EEFSEC: variants seen among roughly 807,000 people sequenced by gnomAD.
The protein encoded by EEFSEC is selenocysteine-specific elongation factor.
EEFSEC carries 43 observed loss-of-function variants against 42.1 expected under a neutral mutation model. The ratio of observed to expected loss-of-function variants is 1.02; its 90% CI spans 0.80 to 1.32. The LOEUF (loss-of-function observed/expected upper bound fraction) is 1.32, where lower values mean the gene tolerates loss of function less well. EEFSEC is among the 40% of genes most tolerant of loss of function. The pLI, the probability that EEFSEC is intolerant of heterozygous loss-of-function variation, is 0.00. For synonymous variants in EEFSEC, 354 were observed against 339.1 expected, an observed-to-expected ratio of 1.04 and a Z score of -0.48; for missense variants, 745 against 803.6, an observed-to-expected ratio of 0.93 and a Z score of 0.88.
chr3:128,237,283 G>T (rs542259823), intron 1 of EEFSEC, among the ~76,000 whole-genome samples: 1 of 151,884 alleles, frequency 6.6e-6, no homozygotes, highest in South Asian at 2.1e-4. Flanking sequence ...ATTTTCTTCT[G>T]TGTTTATTCT....
At chr3:128,259,367 A>G (rs2066274792) in intron 2 of EEFSEC, among the ~76,000 whole-genome samples, 1 of 152,250 alleles carries the variant, frequency 6.6e-6, no homozygotes, top group Non-Finnish European at 1.5e-5. Context: ...CTTACTTATT[A>G]AGGCAATGCA....
chr3:128,385,271 G>A (rs1369132031), intron 6 of EEFSEC, among the ~76,000 whole-genome samples: 1 of 152,240 alleles, frequency 6.6e-6, no homozygotes, highest in African/African-American at 2.4e-5. Flanking sequence ...ACAGGGGCCA[G>A]GCAGGCAGCG....
At chr3:128,378,508 A>G (rs7635548) in intron 6 of EEFSEC, among the ~76,000 whole-genome samples, 196 of 152,294 alleles carry the variant, frequency 1.3e-3, no homozygotes, top group African/African-American at 4.5e-3. Context: ...CCAAGGAGGG[A>G]GATAAGCCCA....
intron 1 of EEFSEC, among the ~76,000 whole-genome samples, chr3:128,161,006 A>G (rs971495337): frequency 6.6e-6 from 1 of 152,110 alleles, no homozygotes; most frequent in African/African-American, 2.4e-5. Flanking sequence ...CTAGGAGGTA[A>G]GAGTTGCTAT....
At chr3:128,194,936 C>G (rs1163400392) in intron 1 of EEFSEC, among the ~76,000 whole-genome samples, 2 of 151,956 alleles carry the variant, frequency 1.3e-5, no homozygotes, top group Admixed American at 6.6e-5. Context: ...ATGTTATTTT[C>G]TAAAATTTCT....
chr3:128,339,797 C>T (rs927826780), intron 4 of EEFSEC, among the ~76,000 whole-genome samples: 11 of 152,122 alleles, frequency 7.2e-5, no homozygotes, highest in Admixed American at 6.5e-4. Flanking sequence ...TTAATGGACT[C>T]ACAGTTCTGC....
intron 4 of EEFSEC, among the ~76,000 whole-genome samples, chr3:128,307,969 G>C (rs1176558617): frequency 6.6e-6 from 1 of 152,244 alleles, no homozygotes; most frequent in Non-Finnish European, 1.5e-5. Context: ...TGAGGCCCAG[G>C]CAGTGCCTGG....
intron 1 of EEFSEC, among the ~76,000 whole-genome samples, chr3:128,224,264 A>G (rs187942508): frequency 4.1e-4 from 63 of 152,348 alleles, no homozygotes; most frequent in African/African-American, 1.5e-3. Context: ...CGTTAGTGAA[A>G]TAATTTTCAT....
At chr3:128,293,133 G>C (rs1400187374) in intron 4 of EEFSEC, among the ~76,000 whole-genome samples, 1 of 152,174 alleles carries the variant, frequency 6.6e-6, no homozygotes, top group Non-Finnish European at 1.5e-5. Flanking sequence ...ACTGTGGTCA[G>C]AGAATACACA....
At chr3:128,307,740 G>A (rs941396458) in intron 4 of EEFSEC, among the ~76,000 whole-genome samples, 1 of 152,228 alleles carries the variant, frequency 6.6e-6, no homozygotes, top group Non-Finnish European at 1.5e-5. Context: ...ACATTGGGCA[G>A]GGTATCAGTC....
chr3:128,303,978 A>G (rs2066798351), intron 4 of EEFSEC, among the ~76,000 whole-genome samples: 1 of 151,878 alleles, frequency 6.6e-6, no homozygotes, highest in African/African-American at 2.4e-5. Context: ...ATTTAAGTCC[A>G]TCTCTGAGCT....
chr3:128,185,668 C>A (rs1461661033), intron 1 of EEFSEC, among the ~76,000 whole-genome samples: 3 of 152,154 alleles, frequency 2.0e-5, no homozygotes, highest in Non-Finnish European at 4.4e-5. Context: ...CTCAAGCAAT[C>A]CTCCTGCTTC....
chr3:128,177,119 C>T (rs538213375), intron 1 of EEFSEC, among the ~76,000 whole-genome samples: 8 of 151,956 alleles, frequency 5.3e-5, no homozygotes, highest in Non-Finnish European at 1.0e-4. Flanking sequence ...GCCTCAGCCT[C>T]CTAGGTAGCT....
Position 128,219,802 on chromosome 3 carries a change from C to G in EEFSEC, c.317-27034C>G, listed in dbSNP as rs114305687. ...AAAAAAAAAAGAAAAAAACTCTTGG[C>G]TAAATGAATATCGAAAGAGTGCCCA... On this transcript the variant is annotated intron_variant, in intron 1 of 6. Coordinates refer to ENST00000254730, the MANE Select transcript of EEFSEC (RefSeq NM_021937.5). Among the ~76,000 whole-genome samples the G allele has an allele frequency of 6.1e-3, 930 of 151,550 alleles. 12 individuals are homozygous for G. Among genetic ancestry groups the G allele is most frequent in the African/African-American group, 0.021 (881 of 41,298 alleles).
intron 6 of EEFSEC, among the ~76,000 whole-genome samples, chr3:128,395,846 C>T (rs1394009738): frequency 6.6e-6 from 1 of 152,244 alleles, no homozygotes; most frequent in African/African-American, 2.4e-5. Flanking sequence ...CTCTCTTTAC[C>T]AAGCGCTTCC....
chr3:128,164,734 T>C (rs2065227619), intron 1 of EEFSEC, among the ~76,000 whole-genome samples: 1 of 152,056 alleles, frequency 6.6e-6, no homozygotes, highest in South Asian at 2.1e-4. Flanking sequence ...GTGACTGGGG[T>C]ATCAGGCCAA....
chr3:128,317,564 G>A lies in EEFSEC; in HGVS notation c.787-23669G>A, dbSNP rs915162627. Among the ~76,000 whole-genome samples, 1 of 152,156 alleles carries A rather than the reference G, an allele frequency of 6.6e-6. No homozygotes were observed. Among genetic ancestry groups the A allele is most frequent in the Non-Finnish European group, 1.5e-5 (1 of 68,028 alleles). On this transcript the variant is annotated intron_variant, in intron 4 of 6. Transcript: ENST00000254730. The surrounding 1 kb of genome is among the most constrained non-coding windows in gnomAD (Gnocchi z 4.1). The stretch of plus-strand genomic sequence containing the variant: ...TTCCCCATCAGTCCTCTTTCCACCC[G>A]GGCTACCACTGGAGTCGTTCTGACC...
rs762292921 is a variant in EEFSEC at position 128,264,624 on chromosome 3, C to G, written c.629C>G (p.Thr210Arg). 1.2e-6 allele frequency: 2 copies of G among 1,613,766 alleles called. No individual in the cohort carries two copies. Among genetic ancestry groups the G allele is most frequent in the Non-Finnish European group, 1.7e-6 (2 of 1,179,818 alleles). Residue 210 changes from threonine (T) to arginine (R), a missense_variant, in exon 4 of 7, where the codon ACG becomes AGG. Coordinates refer to ENST00000254730, the MANE Select transcript of EEFSEC (RefSeq NM_021937.5). ...CCAGTTTCTCTTTTCTAGCTCCTGA[C>G]GTCCCAGATTTCCATCCCAACGAGA... ...QGIPELIELL[T>R]SQISIPTRDP...
At chr3:128,164,042 C>T (rs1467195777) in intron 1 of EEFSEC, among the ~76,000 whole-genome samples, 1 of 152,056 alleles carries the variant, frequency 6.6e-6, no homozygotes, top group African/African-American at 2.4e-5. Context: ...CAGTGTGTGG[C>T]ATGTGCTCCT....
Sources: gnomAD v4.1 joint callset for allele counts (sites outside exome capture counted in the v4.1 genomes callset) on GRCh38, gnomAD v4.1.1 for gene constraint, Gnocchi (gnomAD v3.1) non-coding constraint, MANE v1.5 for transcripts, NCBI Gene and HGNC (gene_info 2026-07-23, HGNC 2026-07-21) for gene names.